The following SLCO1C1 variants were observed in gnomAD, a reference collection of about 807,000 sequenced individuals.
SLCO1C1 encodes OAT-RP-5.
A neutral mutation model predicts 76.4 loss-of-function variants in SLCO1C1; 70 were observed. The observed-to-expected ratio is 0.92, with a 90% confidence interval of 0.76 to 1.12. The LOEUF is 1.12. Ranked by LOEUF, SLCO1C1 falls within the 50% of genes most tolerant of loss-of-function variation. The pLI, the probability that SLCO1C1 is intolerant of heterozygous loss-of-function variation, is 0.00. For synonymous variants in SLCO1C1, 306 were observed against 286.1 expected (o/e 1.07, Z -0.70); for missense variants, 912 against 823.8 (o/e 1.11, Z -1.31).
intron 3 of SLCO1C1, among the ~76,000 whole-genome samples, chr12:20,702,644 C>T (rs1034854941): frequency 6.6e-6 from 1 of 151,666 alleles, no homozygotes; most frequent in African/African-American, 2.4e-5. Context: ...TAGATTGGCC[C>T]GGATGGTTGA....
At position 20,750,777 on chromosome 12, in the gene SLCO1C1, A is replaced by T. The variant is rs1464448227; in HGVS notation, c.1901A>T (p.Asp634Val). 6.2e-7 allele frequency: 1 copy of T among 1,614,000 alleles called. No homozygotes were observed. Among genetic ancestry groups the T allele is most frequent in the African/African-American group, 1.3e-5 (1 of 75,042 alleles). The change falls in exon 14 of 15, where the codon GAT (aspartate) becomes GTT (valine). Residue 634 changes from aspartate (D) to valine (V), a missense_variant. Physicochemically the swap from Asp to Val is radical, Grantham distance 152 (BLOSUM62 -3). Transcript: ENST00000266509. ...AGTAGAGGATCATGCAGATTATATG[A>T]TTCAAATGTCTTCAGGTACCAAATC... The part of the protein sequence containing the change: ...CGSRGSCRLY[D>V]SNVFRHIYLG...
chr12:20,722,135 C>T (rs1033004305), intron 8 of SLCO1C1, 86 bp downstream of exon 8: 4 of 1,467,526 alleles, frequency 2.7e-6, no homozygotes, highest in Middle Eastern at 4.8e-4. Flanking sequence ...CTCTTCCCTT[C>T]GTGTATTAAA....
At chr12:20,697,313 G>A (rs778467241) in intron 1 of SLCO1C1, 8 of 151,996 alleles carry the variant, frequency 5.3e-5, no homozygotes, top group Non-Finnish European at 8.8e-5. Flanking sequence ...ATCCTTTGAA[G>A]AATATTGCAA....
chr12:20,724,404 TGTG>T (rs1947831346), intron 9 of SLCO1C1, among the ~76,000 whole-genome samples: 2 of 22,830 alleles, frequency 8.8e-5, no homozygotes, highest in Admixed American at 1.5e-3. Context: ...TGTGTGTGTG[TGTG>T]TGTGTATATA....
At chr12:20,728,295 G>A (rs113515974) in intron 9 of SLCO1C1, among the ~76,000 whole-genome samples, 28 of 151,976 alleles carry the variant, frequency 1.8e-4, no homozygotes, top group African/African-American at 6.5e-4. Context: ...TCTTGTTTTT[G>A]TCAGCTTTGT....
At chr12:20,750,480 G>A (rs1009016785) in intron 13 of SLCO1C1, among the ~76,000 whole-genome samples, 195 bp from the exon 14 acceptor site, 1 of 152,094 alleles carries the variant, frequency 6.6e-6, no homozygotes, top group Admixed American at 6.6e-5. Context: ...TAAATAAATG[G>A]CAGTTACTGC....
rs1165821222 is a variant in SLCO1C1 at position 20,711,376 on chromosome 12, T to G, written c.405-10T>G. On this transcript the variant is annotated splice_polypyrimidine_tract_variant and intron_variant, in intron 4 of 14. Coordinates refer to ENST00000266509, the MANE Select transcript of SLCO1C1 (RefSeq NM_017435.5). Reference sequence around the variant, plus strand: ...GAGTCTATCATGAAGAAAACATTCCTCTTATGCAGGTACAAATATGAGAGA... The same window carrying G: ...GAGTCTATCATGAAGAAAACATTCCGCTTATGCAGGTACAAATATGAGAGA... 10 of 1,609,816 alleles carry G rather than the reference T, an allele frequency of 6.2e-6. No homozygotes were observed. The highest frequency in any genetic ancestry group is 8.5e-6 in the Non-Finnish European group (10 of 1,178,430).
At chr12:20,699,123 A>G (rs932110217) in intron 1 of SLCO1C1, among the ~76,000 whole-genome samples, 7 of 152,058 alleles carry the variant, frequency 4.6e-5, no homozygotes, top group African/African-American at 1.7e-4. Context: ...TAAAACTTCT[A>G]TTTGTTTTGC....
intron 7 of SLCO1C1, among the ~76,000 whole-genome samples, chr12:20,720,315 C>T (rs1434951524): frequency 2.0e-5 from 3 of 152,192 alleles, no homozygotes; most frequent in Non-Finnish European, 4.4e-5. Context: ...TGCTAACATA[C>T]CGTCCATTTT....
At position 20,743,382 on chromosome 12, in the gene SLCO1C1, T is replaced by C. The variant is rs776748143; in HGVS notation, c.1798+13T>C. The C allele has an allele frequency of 4.4e-6, 7 of 1,600,582 alleles. No individual in the cohort carries two copies. The highest frequency in any genetic ancestry group is 6.0e-6 in the Non-Finnish European group (7 of 1,169,288). On this transcript the variant is annotated intron_variant, in intron 13 of 14. Coordinates refer to ENST00000266509, the MANE Select transcript of SLCO1C1 (RefSeq NM_017435.5). ...ATAAGAGTTCTTGGTAAGTTTAACCTATGCTTTAATTTATGGTAGACACCG... is the reference window on the plus strand; with the variant it reads ...ATAAGAGTTCTTGGTAAGTTTAACCCATGCTTTAATTTATGGTAGACACCG...
At chr12:20,699,513 G>T (rs1946419164) in intron 1 of SLCO1C1, 39 bp from the exon 2 acceptor site, 1 of 1,408,026 alleles carries the variant, frequency 7.1e-7, no homozygotes, top group Non-Finnish European at 9.4e-7. Context: ...AAATTGCGTA[G>T]TATTTATTTA....
chr12:20,728,588 T>G (rs143596573), intron 9 of SLCO1C1, among the ~76,000 whole-genome samples: 141 of 151,818 alleles, frequency 9.3e-4, no homozygotes, highest in African/African-American at 3.3e-3. Context: ...GGAAAGTTGC[T>G]TATAAAAAAC....
At chr12:20,722,079 T>C (rs773999527) in intron 8 of SLCO1C1, 30 bp downstream of exon 8, 1 of 1,598,936 alleles carries the variant, frequency 6.3e-7, no homozygotes. Context: ...TTGAAGTATT[T>C]TCATTTTTCT....
At chr12:20,751,611 G>A (rs949939535) in intron 14 of SLCO1C1, among the ~76,000 whole-genome samples, 1 of 152,102 alleles carries the variant, frequency 6.6e-6, no homozygotes, top group Non-Finnish European at 1.5e-5. Context: ...GACCCAATCT[G>A]TGAGTATAAT....
intron 11 of SLCO1C1, among the ~76,000 whole-genome samples, chr12:20,739,507 G>A (rs148728924): frequency 6.6e-6 from 1 of 152,090 alleles, no homozygotes; most frequent in African/African-American, 2.4e-5. Context: ...AGCTGCCCGG[G>A]CAGAGAAAAT....
At chr12:20,706,426 G>A (rs190851934) in intron 4 of SLCO1C1, among the ~76,000 whole-genome samples, 70 of 152,182 alleles carry the variant, frequency 4.6e-4, no homozygotes, top group Non-Finnish European at 8.8e-4. Flanking sequence ...AAACACTGCA[G>A]ACAATAAATT....
At chr12:20,747,180 T>A (rs1949084559) in intron 13 of SLCO1C1, among the ~76,000 whole-genome samples, 1 of 152,156 alleles carries the variant, frequency 6.6e-6, no homozygotes, top group African/African-American at 2.4e-5. Flanking sequence ...ATCCCAGCAC[T>A]TTGGGAGGCT....
chr12:20,733,112 C>A lies in SLCO1C1; in HGVS notation c.1382+8C>A. ...AACTGTCTCCTACCAAGGGTATGTT[C>A]CCTCATTAAATAGTTTGAGGATATT... On this transcript the variant is annotated splice_region_variant and intron_variant, in intron 10 of 14. Coordinates refer to ENST00000266509, the MANE Select transcript of SLCO1C1 (RefSeq NM_017435.5). The A allele has an allele frequency of 1.9e-6, 3 of 1,544,214 alleles. No homozygotes were observed. Among genetic ancestry groups the A allele is most frequent in the Non-Finnish European group, 1.7e-6 (2 of 1,151,306 alleles).
intron 3 of SLCO1C1, among the ~76,000 whole-genome samples, chr12:20,703,661 T>C (rs1201786113): frequency 1.3e-5 from 2 of 151,892 alleles, no homozygotes; most frequent in East Asian, 3.9e-4. Flanking sequence ...AAGTTAACCA[T>C]GGAATTATTC....
Sources: gnomAD v4.1 joint callset for allele counts (sites outside exome capture counted in the v4.1 genomes callset) on GRCh38, gnomAD v4.1.1 for gene constraint, MANE v1.5 for transcripts, NCBI Gene and HGNC (gene_info 2026-07-23, HGNC 2026-07-21) for gene names.